LUZP2: variants seen among roughly 807,000 people sequenced by gnomAD.
LUZP2 encodes leucine zipper protein 2.
A neutral mutation model predicts 51.6 loss-of-function variants in LUZP2; 52 were observed. The ratio of observed to expected loss-of-function variants is 1.01; its 90% CI spans 0.81 to 1.27. The LOEUF (loss-of-function observed/expected upper bound fraction) is 1.27. LUZP2 is among the 50% of genes most tolerant of loss of function. The pLI is 0.00. For synonymous variants in LUZP2, 154 were observed against 137.3 expected (o/e 1.12, Z -0.85); for missense variants, 436 against 395.4 (o/e 1.10, Z -0.87).
At chr11:24,836,416 A>C (rs1850861499) in intron 5 of LUZP2, among the ~76,000 whole-genome samples, 1 of 151,924 alleles carries the variant, frequency 6.6e-6, no homozygotes, top group South Asian at 2.1e-4. Flanking sequence ...CCAACTAGTG[A>C]AATTAAAATA....
At chr11:24,640,782 C>T (rs1855252318) in intron 1 of LUZP2, among the ~76,000 whole-genome samples, 1 of 151,584 alleles carries the variant, frequency 6.6e-6, no homozygotes, top group Non-Finnish European at 1.5e-5. Context: ...TAAATAATAG[C>T]ACATTGTGAA....
At chr11:24,710,708 C>T (rs953722218) in intron 1 of LUZP2, among the ~76,000 whole-genome samples, 7 of 152,080 alleles carry the variant, frequency 4.6e-5, no homozygotes, top group African/African-American at 1.7e-4. Context: ...TATCACAACC[C>T]CCATCTTGTA....
At chr11:24,928,542 T>C (rs6484083) in intron 7 of LUZP2, among the ~76,000 whole-genome samples, 86,464 of 151,560 alleles carry the variant, frequency 0.57, 25,160 homozygotes, top group East Asian at 0.83. Flanking sequence ...TATTAATTTG[T>C]ATATGTTAAA....
At chr11:24,918,318 A>G (rs145589290) in intron 7 of LUZP2, among the ~76,000 whole-genome samples, 12,042 of 151,976 alleles carry the variant, frequency 0.079, 643 homozygotes, top group Non-Finnish European at 0.12. Flanking sequence ...CTAATTGAAT[A>G]CCCTTTATTT....
chr11:24,710,060 T>C (rs924374717), intron 1 of LUZP2, among the ~76,000 whole-genome samples: 3 of 152,190 alleles, frequency 2.0e-5, no homozygotes, highest in Admixed American at 6.5e-5. Flanking sequence ...AACTTAACTA[T>C]AATTATCATT....
intron 9 of LUZP2, among the ~76,000 whole-genome samples, chr11:25,028,044 C>G (rs1307822185): frequency 6.6e-6 from 1 of 151,792 alleles, no homozygotes; most frequent in African/African-American, 2.4e-5. Flanking sequence ...CCAGTTTTAA[C>G]TTTTGATTTA....
Position 24,826,593 on chromosome 11 carries a change from C to T in LUZP2, c.396+63285C>T, listed in dbSNP as rs575032991. 4.0e-4 allele frequency among the ~76,000 whole-genome samples: 60 copies of T among 151,156 alleles called. 1 individual carries two copies. In the South Asian group the frequency reaches 0.013, roughly 32 times the overall value. On this transcript the variant is annotated intron_variant, in intron 5 of 11. Coordinates refer to ENST00000336930, the MANE Select transcript of LUZP2 (RefSeq NM_001009909.4). Reference sequence around the variant, plus strand: ...CACCCTCACCAGATGCCTGGTATATCAGCAGCAACTTAAATAATAAAGCAA... The same window carrying T: ...CACCCTCACCAGATGCCTGGTATATTAGCAGCAACTTAAATAATAAAGCAA...
chr11:24,699,775 T>A (rs1375277035), intron 1 of LUZP2, among the ~76,000 whole-genome samples: 6 of 148,666 alleles, frequency 4.0e-5, no homozygotes, highest in Non-Finnish European at 8.9e-5. Flanking sequence ...ATCTCATATA[T>A]AAATATATAA....
intron 1 of LUZP2, among the ~76,000 whole-genome samples, chr11:24,606,164 GACAC>G (rs762023668): frequency 2.6e-5 from 4 of 151,538 alleles, no homozygotes; most frequent in African/African-American, 7.3e-5. Flanking sequence ...TATGTGGGTA[GACAC>G]ACATACACAC....
chr11:24,597,735 C>T (rs1188134010), intron 1 of LUZP2, among the ~76,000 whole-genome samples: 2 of 152,116 alleles, frequency 1.3e-5, no homozygotes, highest in Non-Finnish European at 2.9e-5. Flanking sequence ...TCCCATTGGT[C>T]TTATATGGTA....
At chr11:24,522,488 G>C (rs1255965190) in intron 1 of LUZP2, among the ~76,000 whole-genome samples, 1 of 152,070 alleles carries the variant, frequency 6.6e-6, no homozygotes, top group Non-Finnish European at 1.5e-5. Flanking sequence ...ACCAATAGAG[G>C]CTTCTCAGTT....
intron 1 of LUZP2, among the ~76,000 whole-genome samples, chr11:24,497,784 T>C (rs1849872679): frequency 6.6e-6 from 1 of 152,182 alleles, no homozygotes; most frequent in Non-Finnish European, 1.5e-5. Flanking sequence ...TGCTAAGACT[T>C]GTACAAAAGT....
intron 5 of LUZP2, among the ~76,000 whole-genome samples, chr11:24,831,410 A>T (rs1850702467): frequency 6.6e-6 from 1 of 152,220 alleles, no homozygotes; most frequent in Non-Finnish European, 1.5e-5. Flanking sequence ...CTTAAGTGAC[A>T]TTAACATTTT....
At chr11:24,990,399 G>A (rs1398278827) in intron 9 of LUZP2, among the ~76,000 whole-genome samples, 2 of 151,882 alleles carry the variant, frequency 1.3e-5, no homozygotes, top group Non-Finnish European at 2.9e-5. Context: ...TTCAGCAAAG[G>A]TTAATTTGAG....
intron 1 of LUZP2, among the ~76,000 whole-genome samples, chr11:24,726,130 A>C (rs1858466945): frequency 6.6e-6 from 1 of 152,218 alleles, no homozygotes; most frequent in Non-Finnish European, 1.5e-5. Flanking sequence ...ACTAACTCAA[A>C]ATTTAAATAG....
At chr11:24,847,974 C>T (rs1442876960) in intron 5 of LUZP2, among the ~76,000 whole-genome samples, 2 of 151,936 alleles carry the variant, frequency 1.3e-5, no homozygotes, top group Non-Finnish European at 2.9e-5. Flanking sequence ...TAGAATACTC[C>T]CTTAATTTCT....
intron 7 of LUZP2, among the ~76,000 whole-genome samples, chr11:24,960,616 G>A (rs1050370795): frequency 2.6e-5 from 4 of 151,928 alleles, no homozygotes; most frequent in African/African-American, 9.7e-5. Context: ...TTTTTATTGT[G>A]TCTATTTGAT....
intron 9 of LUZP2, among the ~76,000 whole-genome samples, chr11:25,034,985 A>G (rs1857806839): frequency 6.6e-6 from 1 of 152,098 alleles, no homozygotes; most frequent in African/African-American, 2.4e-5. Context: ...AAAATCCAAC[A>G]TTCTTTTGTC....
chr11:24,832,729 G>C (rs1212705875), intron 5 of LUZP2, among the ~76,000 whole-genome samples: 2 of 151,868 alleles, frequency 1.3e-5, no homozygotes, highest in South Asian at 2.1e-4. Context: ...ATGCCTTACT[G>C]TAAGTTCTAA....
Sources: gnomAD v4.1 joint callset for allele counts (sites outside exome capture counted in the v4.1 genomes callset) on GRCh38, gnomAD v4.1.1 for gene constraint, MANE v1.5 for transcripts, NCBI Gene and HGNC (gene_info 2026-07-23, HGNC 2026-07-21) for gene names.